The following CHID1 variants were observed in gnomAD, a reference collection of about 807,000 sequenced individuals.
CHID1 encodes chitinase domain-containing protein 1.
CHID1 carries 44 observed loss-of-function variants against 55.4 expected under a neutral mutation model. That is an observed-to-expected ratio of 0.79 (90% CI 0.62 to 1.02). The LOEUF is 1.02. Ranked by LOEUF, CHID1 falls within the 50% of genes least tolerant of loss-of-function variation. The pLI is 0.00. For synonymous variants in CHID1, 216 were observed against 212.9 expected (o/e 1.01, Z -0.13); for missense variants, 491 against 515.3 (o/e 0.95, Z 0.46).
intron 9 of CHID1, 49 bp from the exon 10 acceptor site, chr11:883,352 C>T (rs779434967): frequency 1.3e-6 from 2 of 1,566,684 alleles, no homozygotes; most frequent in South Asian, 1.1e-5. Context: ...GGGCCCCGCA[C>T]CTGAGCCATC....
At chr11:903,460 C>T (rs765242902) in intron 2 of CHID1, among the ~76,000 whole-genome samples, 6 of 152,230 alleles carry the variant, frequency 3.9e-5, no homozygotes, top group Non-Finnish European at 8.8e-5. Flanking sequence ...CCGGGCACTC[C>T]AGGGCCATAC....
chr11:876,923 G>C (rs1849558854), intron 10 of CHID1, among the ~76,000 whole-genome samples: 1 of 152,174 alleles, frequency 6.6e-6, no homozygotes, highest in South Asian at 2.1e-4. Context: ...TCTCCCTATG[G>C]CCTGCTCCCC....
intron 1 of CHID1, chr11:908,320 C>T (rs1292192587): frequency 6.6e-6 from 1 of 152,558 alleles, no homozygotes; most frequent in Non-Finnish European, 1.5e-5. Context: ...ATAAGAAGGC[C>T]CAGGCACAGA....
intron 7 of CHID1, among the ~76,000 whole-genome samples, chr11:898,761 G>T (rs577382148): frequency 3.3e-4 from 50 of 152,326 alleles, no homozygotes; most frequent in African/African-American, 1.1e-3. Flanking sequence ...ACAGGGAGTG[G>T]GAACCCGCGA....
At position 870,432 on chromosome 11, in the gene CHID1, A is replaced by G. The variant is rs755766935; in HGVS notation, c.1027T>C (p.Phe343Leu). 1.2e-6 allele frequency: 2 copies of G among 1,611,558 alleles called. No individual in the cohort carries two copies. Among genetic ancestry groups the G allele is most frequent in the Non-Finnish European group, 1.7e-6 (2 of 1,178,802 alleles). Residue 343 changes from phenylalanine to leucine, a missense_variant, in exon 11 of 13, where the codon TTC becomes CTC. Phe to Leu is a conservative substitution (Grantham distance 22). Coordinates refer to ENST00000323578, the MANE Select transcript of CHID1 (RefSeq NM_023947.4). Reference sequence around the variant, plus strand: ...CAAAACACTCACTTCTTGTACTCGAAGAAGTGCTCTGAGGCCTGGCTGTCC... The same window carrying G: ...CAAAACACTCACTTCTTGTACTCGAGGAAGTGCTCTGAGGCCTGGCTGTCC... ...VWDSQASEHF[F>L]EYKKSRSGRH...
At chr11:900,403 G>A (rs1223203288) in intron 5 of CHID1, among the ~76,000 whole-genome samples, 1 of 152,174 alleles carries the variant, frequency 6.6e-6, no homozygotes, top group Admixed American at 6.5e-5. Context: ...CTTACAGGAG[G>A]GAGGCTGGGA....
intron 5 of CHID1, among the ~76,000 whole-genome samples, chr11:900,366 C>T (rs2134310390): frequency 6.6e-6 from 1 of 152,314 alleles, no homozygotes; most frequent in East Asian, 1.9e-4. Flanking sequence ...CAGCTCCCCA[C>T]ACGGCTCAGC....
In CHID1 at chr11:884,046, AG is replaced by A. The variant is rs762680331; in HGVS notation, c.803+21del. 5 of 1,587,236 alleles carry A rather than the reference AG, an allele frequency of 3.2e-6. No individual in the cohort carries two copies. In the East Asian group the frequency reaches 1.1e-4, roughly 35 times the overall value. ...CACTGTGGAGTTTGCTGTGCCCAGG[AG>A]CCCCCCAAGCCCACACTCACTGATG... On this transcript the variant is annotated intron_variant, in intron 9 of 12. Coordinates refer to ENST00000323578, the MANE Select transcript of CHID1 (RefSeq NM_023947.4).
chr11:878,042 G>A (rs376754801), intron 10 of CHID1, among the ~76,000 whole-genome samples: 4 of 152,232 alleles, frequency 2.6e-5, no homozygotes, highest in African/African-American at 4.8e-5. Context: ...CACCACCTCC[G>A]GACTCTTCGG....
intron 7 of CHID1, among the ~76,000 whole-genome samples, chr11:898,958 G>T (rs1455675410): frequency 6.6e-6 from 1 of 152,232 alleles, no homozygotes; most frequent in Admixed American, 6.5e-5. Flanking sequence ...GCTCCCCGAA[G>T]CTCAGTGAGG....
Position 901,620 on chromosome 11 carries a change from G to A in CHID1, c.394+578C>T, listed in dbSNP as rs1046911328. Among the ~76,000 whole-genome samples, 10 of 152,294 alleles carry A rather than the reference G, an allele frequency of 6.6e-5. 1 individual carries two copies. The highest frequency in any genetic ancestry group is 3.4e-3 in the Middle Eastern group (1 of 294). ...ACAGAGGAGGAGAAGCCAATGGCCC[G>A]TGCCGTTTGCTGCCCAGAGGCTGCC... On this transcript the variant is annotated intron_variant, in intron 4 of 12. Transcript: ENST00000323578.
intron 1 of CHID1, among the ~76,000 whole-genome samples, chr11:905,341 C>T (rs1852132776): frequency 6.6e-6 from 1 of 152,208 alleles, no homozygotes. Flanking sequence ...GAGTTCGAGA[C>T]CAGCCTGAGC....
At chr11:877,936 G>A (rs1849631994) in intron 10 of CHID1, among the ~76,000 whole-genome samples, 1 of 152,214 alleles carries the variant, frequency 6.6e-6, no homozygotes, top group East Asian at 1.9e-4. Flanking sequence ...GGACTAGTGG[G>A]TTAATGGACC....
At chr11:896,572 T>C (rs1279014435) in intron 7 of CHID1, among the ~76,000 whole-genome samples, 1 of 72,552 alleles carries the variant, frequency 1.4e-5, no homozygotes, top group Admixed American at 1.6e-4. Flanking sequence ...ACCCCAGACG[T>C]GAGGCTGTCT....
chr11:881,716 G>T (rs1284870714), intron 10 of CHID1, among the ~76,000 whole-genome samples: 3 of 151,452 alleles, frequency 2.0e-5, no homozygotes, highest in Non-Finnish European at 4.4e-5. Context: ...CAAGAGAAAT[G>T]ACCAGGCCAG....
intron 10 of CHID1, among the ~76,000 whole-genome samples, chr11:871,401 AC>A (rs750316864): frequency 1.3e-5 from 2 of 151,558 alleles, no homozygotes; most frequent in Non-Finnish European, 2.9e-5. Context: ...TTTGAGAACC[AC>A]CCCCTCCTTC....
Position 893,414 on chromosome 11 carries a change from G to C in CHID1, c.701+13C>G. On this transcript the variant is annotated intron_variant, in intron 8 of 12. Coordinates refer to ENST00000323578, the MANE Select transcript of CHID1 (RefSeq NM_023947.4). ...CTCCACAGCCACCCCCACATCTCAA[G>C]AGCGGCACTTACCCGGGGGTGATGG... 6.5e-7 allele frequency: 1 copy of C among 1,546,352 alleles called. No homozygotes were observed. The highest frequency in any genetic ancestry group is 8.7e-7 in the Non-Finnish European group (1 of 1,144,638).
chr11:891,286 G>A (rs183963398), intron 8 of CHID1, among the ~76,000 whole-genome samples: 77 of 152,136 alleles, frequency 5.1e-4, no homozygotes, highest in South Asian at 1.0e-3. Context: ...CCACTTCCCC[G>A]GGGACCCCCA....
At chr11:899,105 C>T (rs1025109271) in intron 7 of CHID1, among the ~76,000 whole-genome samples, 1 of 152,224 alleles carries the variant, frequency 6.6e-6, no homozygotes, top group African/African-American at 2.4e-5. Context: ...GCAATGCGCT[C>T]GGAGCCGGCT....
Sources: allele counts gnomAD v4.1 joint callset (sites outside exome capture counted in the v4.1 genomes callset), GRCh38; gene constraint gnomAD v4.1.1; transcripts MANE v1.5; gene names NCBI Gene and HGNC (gene_info 2026-07-23, HGNC 2026-07-21).